The following NRXN3 variants were observed in gnomAD, a reference collection of about 807,000 sequenced individuals.
NRXN3 encodes the protein neurexin 3, also known as neurexin III.
NRXN3 carries 32 observed loss-of-function variants against 137.6 expected under a neutral mutation model. The observed-to-expected ratio is 0.23, with a 90% confidence interval of 0.18 to 0.31. The LOEUF (loss-of-function observed/expected upper bound fraction) is 0.31. Among genes scored for constraint, NRXN3 ranks in the 10% least tolerant of loss-of-function variants. The pLI is 1.00. For synonymous variants in NRXN3, 798 were observed against 784.5 expected (o/e 1.02, Z -0.29); for missense variants, 1,574 against 2,062.5 (o/e 0.76, Z 4.59).
chr14:79,226,194 G>A (rs1055129278), intron 15 of NRXN3, among the ~76,000 whole-genome samples: 2 of 152,128 alleles, frequency 1.3e-5, no homozygotes, highest in East Asian at 3.9e-4. Context: ...AGGAGAAACT[G>A]AACTGTGAGA....
chr14:78,265,504 A>G (rs1228525229), intron 2 of NRXN3, among the ~76,000 whole-genome samples: 1 of 152,196 alleles, frequency 6.6e-6, no homozygotes, highest in Non-Finnish European at 1.5e-5. Flanking sequence ...TCAGCCCCCT[A>G]AAATATATTC....
At chr14:79,053,312 C>G (rs185649105) in intron 15 of NRXN3, among the ~76,000 whole-genome samples, 126 of 152,274 alleles carry the variant, frequency 8.3e-4, no homozygotes, top group Non-Finnish European at 8.4e-4. Context: ...AAGCTATTAT[C>G]TGCTTTTAGA....
intron 15 of NRXN3, among the ~76,000 whole-genome samples, chr14:79,308,890 ATT>A (rs563424253): frequency 1.4e-5 from 1 of 71,652 alleles, no homozygotes; most frequent in African/African-American, 4.8e-5. Context: ...ATTTTATTTT[ATT>A]TTTTTTTATT....
chr14:78,937,153 C>T (rs1179422957), intron 10 of NRXN3, among the ~76,000 whole-genome samples: 4 of 137,214 alleles, frequency 2.9e-5, no homozygotes, highest in South Asian at 4.6e-4. Flanking sequence ...ACCCAAGAGG[C>T]GTAGGTTGCA....
chr14:78,652,509 C>A (rs1391486999), intron 6 of NRXN3, among the ~76,000 whole-genome samples: 1 of 152,248 alleles, frequency 6.6e-6, no homozygotes. Flanking sequence ...GATATCTATA[C>A]CATCTCCCTG....
intron 15 of NRXN3, among the ~76,000 whole-genome samples, chr14:79,082,944 AG>A (rs1246457547): frequency 4.6e-5 from 7 of 152,162 alleles, no homozygotes; most frequent in Non-Finnish European, 5.9e-5. Flanking sequence ...ATTTTTCACT[AG>A]GGGGACAGGA....
intron 16 of NRXN3, among the ~76,000 whole-genome samples, chr14:79,594,830 C>T (rs1275602069): frequency 6.6e-6 from 1 of 152,036 alleles, no homozygotes; most frequent in East Asian, 1.9e-4. Context: ...ATCTAAGTAC[C>T]TTGGTGCTTC....
intron 10 of NRXN3, among the ~76,000 whole-genome samples, chr14:78,938,801 C>T (rs1440944935): frequency 6.6e-6 from 1 of 151,164 alleles, no homozygotes; most frequent in Non-Finnish European, 1.5e-5. Context: ...TCCAGACCCA[C>T]TCCCCAGCCA....
intron 19 of NRXN3, among the ~76,000 whole-genome samples, chr14:79,799,122 C>A (rs570064514): frequency 7.9e-5 from 12 of 152,266 alleles, no homozygotes; most frequent in Admixed American, 7.8e-4. Flanking sequence ...GAAAGGAATA[C>A]ATAGGGCTCC....
chr14:79,184,563 G>A (rs1000728628), intron 15 of NRXN3, among the ~76,000 whole-genome samples: 2 of 152,080 alleles, frequency 1.3e-5, no homozygotes, highest in Non-Finnish European at 2.9e-5. Flanking sequence ...TTCATTTAAG[G>A]AACATCTCCC....
chr14:79,670,312 C>A (rs1390162926), intron 17 of NRXN3, among the ~76,000 whole-genome samples: 1 of 151,998 alleles, frequency 6.6e-6, no homozygotes, highest in African/African-American at 2.4e-5. Flanking sequence ...TCCACCCTAT[C>A]CAAGCAGCTG....
intron 15 of NRXN3, among the ~76,000 whole-genome samples, chr14:79,212,339 C>T (rs540870804): frequency 3.3e-5 from 5 of 152,126 alleles, no homozygotes; most frequent in African/African-American, 9.7e-5. Context: ...TGATTTATTC[C>T]TCTGTACATA....
chr14:79,032,289 C>T (rs1403968221), intron 15 of NRXN3, among the ~76,000 whole-genome samples: 1 of 152,100 alleles, frequency 6.6e-6, no homozygotes, highest in Non-Finnish European at 1.5e-5. Context: ...AATCAAATTC[C>T]AGGCATCAAG....
At chr14:79,737,475 T>G (rs1333367932) in intron 19 of NRXN3, among the ~76,000 whole-genome samples, 1 of 152,214 alleles carries the variant, frequency 6.6e-6, no homozygotes, top group East Asian at 1.9e-4. Flanking sequence ...TGGTATATAA[T>G]TACTATTAAC....
intron 14 of NRXN3, among the ~76,000 whole-genome samples, chr14:78,979,799 G>C (rs2099484685): frequency 6.6e-6 from 1 of 152,182 alleles, no homozygotes; most frequent in Admixed American, 6.6e-5. Flanking sequence ...AGGCAGGCAA[G>C]AGAGAACTTG....
intron 15 of NRXN3, among the ~76,000 whole-genome samples, chr14:79,400,575 T>C (rs1239266421): frequency 6.6e-5 from 10 of 152,218 alleles, no homozygotes; most frequent in Non-Finnish European, 1.2e-4. Context: ...GCTGAACTTA[T>C]GCATTTCTGG....
intron 15 of NRXN3, among the ~76,000 whole-genome samples, chr14:79,427,630 G>A (rs896069545): frequency 1.6e-4 from 25 of 151,998 alleles, no homozygotes; most frequent in Non-Finnish European, 2.9e-4. Flanking sequence ...CCAGGAGTTC[G>A]AGACCAGCCT....
At chr14:79,016,534 T>C (rs765225382) in intron 15 of NRXN3, among the ~76,000 whole-genome samples, 1 of 152,190 alleles carries the variant, frequency 6.6e-6, no homozygotes, top group Non-Finnish European at 1.5e-5. Context: ...GTGGTAACGA[T>C]AGACATGGTC....
intron 16 of NRXN3, among the ~76,000 whole-genome samples, chr14:79,475,684 T>C (rs912648286): frequency 6.6e-6 from 1 of 152,126 alleles, no homozygotes; most frequent in Non-Finnish European, 1.5e-5. Flanking sequence ...TAGATTTTGA[T>C]ATTATTGGTA....
Sources: gnomAD v4.1 joint callset for allele counts (sites outside exome capture counted in the v4.1 genomes callset) on GRCh38, gnomAD v4.1.1 for gene constraint, MANE v1.5 for transcripts, NCBI Gene and HGNC (gene_info 2026-07-23, HGNC 2026-07-21) for gene names.